Variants in PCDHA2 observed in about 807,000 individuals in gnomAD.
PCDHA2 encodes protocadherin alpha 2.
A neutral mutation model predicts 66.0 loss-of-function variants in PCDHA2; 58 were observed. That is an observed-to-expected ratio of 0.88 (90% confidence interval 0.71 to 1.09). The LOEUF is 1.09. PCDHA2 is among the 50% of genes least tolerant of loss of function. The pLI, the probability that PCDHA2 is intolerant of heterozygous loss-of-function variation, is 0.00. For synonymous variants in PCDHA2, 634 were observed against 554.0 expected (o/e 1.14, Z -2.03); for missense variants, 1,267 against 1,242.3 (o/e 1.02, Z -0.30).
chr5:140,927,758 A>G (rs781942462), intron 1 of PCDHA2: 1 of 1,614,170 alleles, frequency 6.2e-7, no homozygotes, highest in Non-Finnish European at 8.5e-7. Flanking sequence ...GTGCACCCTA[A>G]AAGTGGGGAG....
chr5:140,898,263 C>T lies in PCDHA2; in HGVS notation c.2389-80686C>T, dbSNP rs1420763503. The stretch of plus-strand genomic sequence containing the variant: ...GGTGTTTTAGACATGAAGTCCTTGC[C>T]CATGCCTAAGTTCTGAATGGTAATG... On this transcript the variant is annotated intron_variant, in intron 1 of 3. Transcript: ENST00000526136. 2.0e-5 allele frequency among the ~76,000 whole-genome samples: 3 copies of T among 152,270 alleles called. No individual in the cohort carries two copies. In the East Asian group the frequency reaches 5.8e-4, roughly 29 times the overall value.
rs1002607780 is a variant in PCDHA2 at position 141,011,898 on chromosome 5, T to G, written c.*1961T>G. 1.8e-4 allele frequency: 27 copies of G among 148,586 alleles called. 1 individual carries two copies. Among genetic ancestry groups the G allele is most frequent in the Admixed American group, 1.5e-3 (23 of 15,026 alleles). The allele number at this position is 148,586 out of a possible 1,614,324, so 9.2% of individuals were successfully genotyped here. On this transcript the variant is annotated 3_prime_UTR_variant, in exon 4 of 4. Coordinates refer to ENST00000526136, the MANE Select transcript of PCDHA2 (RefSeq NM_018905.3). ...TAGAAGTTTGATTAATTATATTATC[T>G]ATTTAGGCATTAATATAAAAGAGGT...
intron 1 of PCDHA2, chr5:140,850,952 A>G (rs890565160): frequency 1.3e-6 from 2 of 1,495,360 alleles, no homozygotes; most frequent in South Asian, 1.3e-5. Context: ...ATTATCGATT[A>G]CTCCCAGGGG....
In PCDHA2 at chr5:140,852,257, T is replaced by C. The variant is rs1417638818; in HGVS notation, c.2388+54905T>C. 5.9e-6 allele frequency: 3 copies of C among 512,112 alleles called. No individual in the cohort carries two copies. The African/African-American group carries it at 6.3e-5, about 11-fold the overall frequency. 31.7% of individuals were successfully genotyped at this position (512,112 alleles called of 1,614,324 possible). A position where few individuals can be genotyped will look rare whatever the true frequency, so the allele number is the denominator to read the frequency against. On this transcript the variant is annotated intron_variant, in intron 1 of 3. Coordinates refer to ENST00000526136, the MANE Select transcript of PCDHA2 (RefSeq NM_018905.3). ...TCCCTTAAAACACACTTTTGGAATA[T>C]GCTACAATATTACATGTTTTTTGTC...
chr5:140,916,028 C>T (rs1554197245), intron 1 of PCDHA2, among the ~76,000 whole-genome samples: 1 of 152,152 alleles, frequency 6.6e-6, no homozygotes, highest in African/African-American at 2.4e-5. Flanking sequence ...TCCCATTCTT[C>T]CCTCCCCTTT....
chr5:140,803,625 C>T, intron 1 of PCDHA2: 2 of 1,613,856 alleles, frequency 1.2e-6, no homozygotes, highest in Admixed American at 3.3e-5. Flanking sequence ...TCCAAAATGT[C>T]TTTGTTTTTC....
At chr5:140,802,124 T>C in intron 1 of PCDHA2, 1 of 1,614,212 alleles carries the variant, frequency 6.2e-7, no homozygotes, top group South Asian at 1.1e-5. Flanking sequence ...GTAACATAGA[T>C]TTCGAGGAAA....
Position 140,796,463 on chromosome 5 carries a change from G to C in PCDHA2, c.1499G>C (p.Gly500Ala), listed in dbSNP as rs782512629. The change falls in exon 1 of 4, where the codon GGC becomes GCC. Residue 500 changes from glycine (G) to alanine (A), a missense_variant. Physicochemically the swap from Gly to Ala is moderately conservative, Grantham distance 60. Coordinates refer to ENST00000526136, the MANE Select transcript of PCDHA2 (RefSeq NM_018905.3). ...TACTCGCTGGTGGAGCGGCGGGTGG[G>C]CGAGCGCGCGTTGTCGAGCTACGTT... Reference protein sequence around the residue: ...VSYSLVERRVGERALSSYVSV... With the variant: ...VSYSLVERRVAERALSSYVSV... 8.1e-6 allele frequency: 13 copies of C among 1,612,430 alleles called. No individual in the cohort carries two copies. In the East Asian group the frequency reaches 2.9e-4, roughly 36 times the overall value.
At chr5:140,834,836 G>A in intron 1 of PCDHA2, 5 of 1,611,792 alleles carry the variant, frequency 3.1e-6, no homozygotes, top group Non-Finnish European at 3.4e-6. Context: ...TTGACTCTCG[G>A]TTTCCACTAG....
chr5:140,925,203 A>G (rs1201965893), intron 1 of PCDHA2, among the ~76,000 whole-genome samples: 4 of 152,310 alleles, frequency 2.6e-5, no homozygotes, highest in South Asian at 4.1e-4. Flanking sequence ...TTCAATAATT[A>G]TCGATACTTT....
intron 1 of PCDHA2, among the ~76,000 whole-genome samples, chr5:140,904,548 A>T (rs1280388333): frequency 1.3e-5 from 2 of 152,050 alleles, no homozygotes; most frequent in Admixed American, 1.3e-4. Flanking sequence ...TCTTTTTCAT[A>T]TAATGACTTT....
rs567637148 is a variant in PCDHA2, at chr5:140,861,555, G to A, written c.2388+64203G>A. The A allele has an allele frequency of 2.5e-5, 10 of 403,260 alleles. No individual in the cohort carries two copies. The East Asian group carries it at 5.2e-4, about 21-fold the overall frequency. 25.0% of individuals were successfully genotyped at this position (403,260 alleles called of 1,614,324 possible). ...GTGCAGCATCCACCTGGAAGTGATC[G>A]TGGACAAGCTGCTACAGGTTTTCCA... On this transcript the variant is annotated intron_variant, in intron 1 of 3. Transcript: ENST00000526136.
intron 1 of PCDHA2, among the ~76,000 whole-genome samples, chr5:140,915,080 G>T (rs1279074888): frequency 6.6e-6 from 1 of 151,664 alleles, no homozygotes; most frequent in Non-Finnish European, 1.5e-5. Context: ...TGAGTAGCTG[G>T]GACTATGGGC....
At chr5:140,968,849 G>A in intron 1 of PCDHA2, 1 of 1,614,206 alleles carries the variant, frequency 6.2e-7, no homozygotes, top group East Asian at 2.2e-5. Context: ...TCAGAGGCAT[G>A]TTAAGAGCCC....
chr5:140,927,031 GC>G, intron 1 of PCDHA2: 6 of 1,612,410 alleles, frequency 3.7e-6, no homozygotes, highest in Non-Finnish European at 5.1e-6. Flanking sequence ...GAGGCTGCCA[GC>G]GGCCGCTATG....
intron 1 of PCDHA2, among the ~76,000 whole-genome samples, chr5:140,962,085 C>T (rs565561726): frequency 2.0e-5 from 3 of 151,950 alleles, no homozygotes; most frequent in Non-Finnish European, 4.4e-5. Context: ...CGGGGTTTCA[C>T]CATGTTAGCC....
At chr5:140,850,853 G>T in intron 1 of PCDHA2, 1 of 1,595,240 alleles carries the variant, frequency 6.3e-7, no homozygotes, top group Non-Finnish European at 8.6e-7. Context: ...CAGAGCGAAC[G>T]GGAGAACCCT....
intron 1 of PCDHA2, chr5:140,824,162 C>A (rs2150132827): frequency 6.0e-5 from 97 of 1,611,100 alleles, no homozygotes; most frequent in Non-Finnish European, 3.5e-5. Context: ...ATCTTTCCCT[C>A]CCAATTTTCA....
chr5:140,984,426 G>A (rs781888913), intron 3 of PCDHA2, among the ~76,000 whole-genome samples: 2 of 152,160 alleles, frequency 1.3e-5, no homozygotes, highest in South Asian at 2.1e-4. Flanking sequence ...AGATAGAGAA[G>A]GGGATCTCCC....
Sources: allele counts gnomAD v4.1 joint callset (sites outside exome capture counted in the v4.1 genomes callset), GRCh38; gene constraint gnomAD v4.1.1; transcripts MANE v1.5; gene names NCBI Gene and HGNC (gene_info 2026-07-23, HGNC 2026-07-21).